The following GNAI2 variants were observed in gnomAD, a reference collection of about 807,000 sequenced individuals.
The protein encoded by GNAI2 is guanine nucleotide-binding protein G(i) subunit alpha-2.
GNAI2 carries 4 observed loss-of-function variants against 36.8 expected under a neutral mutation model. The observed-to-expected ratio is 0.11, with a 90% confidence interval of 0.05 to 0.25. GNAI2 has a LOEUF of 0.25. GNAI2 is among the 10% of genes least tolerant of loss of function. GNAI2 has a pLI of 1.00. For synonymous variants in GNAI2, 194 were observed against 194.1 expected, an observed-to-expected ratio of 1.00 and a Z score of 0.01; for missense variants, 230 against 481.3, an observed-to-expected ratio of 0.48 and a Z score of 4.89.
At chr3:50,254,735 C>T (rs587655367) in intron 4 of GNAI2, among the ~76,000 whole-genome samples, 1 of 152,358 alleles carries the variant, frequency 6.6e-6, no homozygotes, top group African/African-American at 2.4e-5. Flanking sequence ...TCCTGCTTCT[C>T]CATCATCCTC....
In GNAI2 at chr3:50,238,277, T is replaced by C. The variant is rs1553700611; in HGVS notation, c.118+1824T>C. 6.6e-6 allele frequency: 1 copy of C among 152,154 alleles called. No homozygotes were observed. Among genetic ancestry groups the C allele is most frequent in the Non-Finnish European group, 1.5e-5 (1 of 68,046 alleles). The allele number at this position is 152,154 out of a possible 1,614,324, so 9.4% of individuals were successfully genotyped here. A position where few individuals can be genotyped will look rare whatever the true frequency, so the allele number is the denominator to read the frequency against. Reference sequence around the variant, plus strand: ...TCTCCCCAGGCGATTGCAGTTACTGTGGTGGCCGAGGAAATGCAAGACTGG... The same window carrying C: ...TCTCCCCAGGCGATTGCAGTTACTGCGGTGGCCGAGGAAATGCAAGACTGG... On this transcript the variant is annotated intron_variant, in intron 1 of 8. Coordinates refer to ENST00000313601, the MANE Select transcript of GNAI2 (RefSeq NM_002070.4). This position sits in a 1 kb window ranked among gnomAD's most constrained non-coding sequence, Gnocchi z 5.0.
rs587684274 is a variant in GNAI2 at position 50,241,584 on chromosome 3, G to C, written c.118+5131G>C. On this transcript the variant is annotated intron_variant, in intron 1 of 8. Coordinates refer to ENST00000313601, the MANE Select transcript of GNAI2 (RefSeq NM_002070.4). The surrounding 1 kb of genome is among the most constrained non-coding windows in gnomAD (Gnocchi z 5.0). ...GACTAGGTGAATCAGGGCAGCTGGA[G>C]CTCAGCTGGGGGCATCCCAGGCGGG... Among the ~76,000 whole-genome samples, 2 of 152,228 alleles carry C rather than the reference G, an allele frequency of 1.3e-5. No homozygotes were observed. Among genetic ancestry groups the C allele is most frequent in the African/African-American group, 4.8e-5 (2 of 41,450 alleles).
chr3:50,240,256 T>G (rs1190131308), intron 1 of GNAI2, among the ~76,000 whole-genome samples: 1 of 152,072 alleles, frequency 6.6e-6, no homozygotes, highest in African/African-American at 2.4e-5. Flanking sequence ...GAAGGGGGGC[T>G]TCCTGGAGGA....
At chr3:50,234,795 C>A (rs188979978), upstream of GNAI2, among the ~76,000 whole-genome samples, 1 of 152,200 alleles carries the variant, frequency 6.6e-6, no homozygotes, top group Non-Finnish European at 1.5e-5. Context: ...AAAATGCCTT[C>A]GTGGTTAATT....
Position 50,255,413 on chromosome 3 carries a change from A to T in GNAI2, c.465-779A>T, listed in dbSNP as rs978873044. Among the ~76,000 whole-genome samples, 1 of 152,234 alleles carries T rather than the reference A, an allele frequency of 6.6e-6. No individual in the cohort carries two copies. The highest frequency in any genetic ancestry group is 1.5e-5 in the Non-Finnish European group (1 of 68,034). On this transcript the variant is annotated intron_variant, in intron 4 of 8. Coordinates refer to ENST00000313601, the MANE Select transcript of GNAI2 (RefSeq NM_002070.4). The surrounding 1 kb of genome is among the most constrained non-coding windows in gnomAD (Gnocchi z 4.0). The stretch of plus-strand genomic sequence containing the variant: ...CCAGATTTCATTGGGCGCTGGGCAA[A>T]GAGCCCACTGGACCTGGCAGGCCCC...
At chr3:50,231,222 A>T (rs945202480), upstream of GNAI2, among the ~76,000 whole-genome samples, 1 of 152,190 alleles carries the variant, frequency 6.6e-6, no homozygotes, top group South Asian at 2.1e-4. Context: ...ATACAACTAC[A>T]TGAATATTTC....
chr3:50,258,318 G>C (rs1700762658), intron 8 of GNAI2, 50 bp from the exon 9 acceptor site: 1 of 153,102 alleles, frequency 6.5e-6, no homozygotes, highest in Admixed American at 6.5e-5. Context: ...CGGGAGAGAG[G>C]CACGCCCTGG....
chr3:50,247,023 C>T, intron 1 of GNAI2: 1 of 1,180,352 alleles, frequency 8.5e-7, no homozygotes, highest in Non-Finnish European at 1.2e-6. Context: ...AGAAGCTTTC[C>T]TTCAAATGAG....
intron 1 of GNAI2, among the ~76,000 whole-genome samples, chr3:50,246,639 G>T (rs1250879468): frequency 6.6e-6 from 1 of 152,220 alleles, no homozygotes. Context: ...GGTCCCAGCC[G>T]CTGCTGCTTC....
chr3:50,228,207 C>G (rs1004562059), upstream of GNAI2, among the ~76,000 whole-genome samples: 4 of 152,208 alleles, frequency 2.6e-5, no homozygotes, highest in African/African-American at 9.6e-5. Flanking sequence ...TCTCTCTTAT[C>G]CTCAGGTTCT....
At chr3:50,236,133 T>G (rs2109179335), upstream of GNAI2, 2 of 1,102,438 alleles carry the variant, frequency 1.8e-6, no homozygotes, top group East Asian at 8.7e-5. This position sits in a 1 kb window ranked among gnomAD's most constrained non-coding sequence, Gnocchi z 4.0. Flanking sequence ...AGTCACAGGC[T>G]TGGTTCGCCC....
rs587612033 is a variant in GNAI2 at position 50,258,681 on chromosome 3, C to T, written c.*338C>T. Reference sequence around the variant, plus strand: ...CTCCCAAGGCTGCGTCTGGAGGGGCCCCTGCTTCTCCAGCCTGGACCCCCA... The same window carrying T: ...CTCCCAAGGCTGCGTCTGGAGGGGCTCCTGCTTCTCCAGCCTGGACCCCCA... On this transcript the variant is annotated 3_prime_UTR_variant, in exon 9 of 9. Transcript: ENST00000313601. The T allele has an allele frequency of 7.0e-4, 243 of 347,900 alleles. 4 individuals carry two copies. The highest frequency in any genetic ancestry group is 5.4e-3 in the South Asian group (237 of 44,002). The allele number at this position is 347,900 out of a possible 1,614,324, so 21.6% of individuals were successfully genotyped here. A position where few individuals can be genotyped will look rare whatever the true frequency, so the allele number is the denominator to read the frequency against.
chr3:50,227,625 C>G (rs946714258), upstream of GNAI2: 1 of 154,938 alleles, frequency 6.5e-6, no homozygotes, highest in Non-Finnish European at 1.4e-5. The surrounding 1 kb of genome is among the most constrained non-coding windows in gnomAD (Gnocchi z 5.9). Flanking sequence ...GGCTTCGGCT[C>G]TGCAGGAGAG....
At chr3:50,245,013 T>C (rs1700383105) in intron 1 of GNAI2, among the ~76,000 whole-genome samples, 1 of 151,834 alleles carries the variant, frequency 6.6e-6, no homozygotes, top group African/African-American at 2.4e-5. Context: ...TTTTTTTTTT[T>C]CTGAGACTGA....
chr3:50,252,912 C>G lies in GNAI2; in HGVS notation c.304-112C>G, dbSNP rs1700598758. On this transcript the variant is annotated intron_variant, in intron 3 of 8. Transcript: ENST00000313601. The surrounding 1 kb of genome is among the most constrained non-coding windows in gnomAD (Gnocchi z 4.1). ...AAAAAGGTTTTAGGGCAAGTCTCAT[C>G]CTAGGGAATCCAAGAATACCCTAGC... 3.6e-6 allele frequency: 3 copies of G among 834,286 alleles called. No individual in the cohort carries two copies. Among genetic ancestry groups the G allele is most frequent in the Non-Finnish European group, 5.7e-6 (3 of 528,900 alleles). The allele number at this position is 834,286 out of a possible 1,614,324, so 51.7% of individuals were successfully genotyped here. A position where few individuals can be genotyped will look rare whatever the true frequency, so the allele number is the denominator to read the frequency against.
intron 1 of GNAI2, among the ~76,000 whole-genome samples, chr3:50,237,682 G>A (rs1355316071): frequency 2.0e-5 from 3 of 152,112 alleles, no homozygotes; most frequent in Admixed American, 6.5e-5. Context: ...TGCAAAGACG[G>A]TGGGCCTACT....
Position 50,252,057 on chromosome 3 carries a change from C to T in GNAI2, c.119-43C>T, listed in dbSNP as rs1700571042. ...GGCATTTGTTCTGTGCCTGTGGAGC[C>T]CCTCTGGGCCTGCCCCCTGACCACC... On this transcript the variant is annotated intron_variant, in intron 1 of 8. Coordinates refer to ENST00000313601, the MANE Select transcript of GNAI2 (RefSeq NM_002070.4). The surrounding 1 kb of genome is among the most constrained non-coding windows in gnomAD (Gnocchi z 4.1). 6.3e-7 allele frequency: 1 copy of T among 1,596,316 alleles called. No individual in the cohort carries two copies. Among genetic ancestry groups the T allele is most frequent in the Non-Finnish European group, 8.6e-7 (1 of 1,164,578 alleles).
rs1167150454 is a variant in GNAI2 at position 50,252,105 on chromosome 3, G to A, written c.124G>A (p.Gly42Arg). Residue 42 changes from glycine to arginine, a missense_variant, in exon 2 of 9, where the codon GGG (glycine) becomes AGG (arginine). By Grantham distance (125) the Gly-to-Arg change is moderately radical. This residue lies in a region of GNAI2 where 132 missense variants were observed against 247.4 expected (regional missense o/e 0.53). Transcript: ENST00000313601. The surrounding 1 kb of genome is among the most constrained non-coding windows in gnomAD (Gnocchi z 4.1). ...REVKLLLLGA[G>R]ESGKSTIVKQ... ...ACCTGTGCCCTCTGTTCCAGGTGCTGGGGAGTCAGGGAAGAGCACCATCGT... is the reference window on the plus strand; with the variant it reads ...ACCTGTGCCCTCTGTTCCAGGTGCTAGGGAGTCAGGGAAGAGCACCATCGT... 6.2e-7 allele frequency: 1 copy of A among 1,613,530 alleles called. No homozygotes were observed. Among genetic ancestry groups the A allele is most frequent in the Admixed American group, 1.7e-5 (1 of 59,974 alleles).
Position 50,236,225 on chromosome 3 carries a change from C to G in GNAI2, c.-111C>G. 8.4e-7 allele frequency: 1 copy of G among 1,190,244 alleles called. No homozygotes were observed. Among genetic ancestry groups the G allele is most frequent in the Non-Finnish European group, 1.0e-6 (1 of 961,698 alleles). The allele number at this position is 1,190,244 out of a possible 1,614,324, so 73.7% of individuals were successfully genotyped here. On this transcript the variant is annotated 5_prime_UTR_variant, in exon 1 of 9. Coordinates refer to ENST00000313601, the MANE Select transcript of GNAI2 (RefSeq NM_002070.4). The surrounding 1 kb of genome is among the most constrained non-coding windows in gnomAD (Gnocchi z 4.0). ...CCGCAGTCGCTCGGAACTGCCGACC[C>G]GAGTGCTTCCCGCAGAGGGCTGGTG...
Sources: gnomAD v4.1 joint callset for allele counts (sites outside exome capture counted in the v4.1 genomes callset) on GRCh38, gnomAD v4.1.1 for gene constraint, gnomAD v4.1.1 regional missense constraint, Gnocchi (gnomAD v3.1) non-coding constraint, MANE v1.5 for transcripts, NCBI Gene and HGNC (gene_info 2026-07-23, HGNC 2026-07-21) for gene names.